Variants in ZNF341 observed in about 807,000 individuals in gnomAD.
ZNF341 encodes zinc finger protein 341.
In ZNF341, 52 loss-of-function variants were observed where a neutral mutation model predicts 87.7. The observed-to-expected ratio is 0.59, with a 90% CI of 0.47 to 0.75. The LOEUF (loss-of-function observed/expected upper bound fraction) is 0.75. Ranked by LOEUF, ZNF341 falls within the 30% of genes least tolerant of loss-of-function variation. ZNF341 has a pLI of 0.00. For synonymous variants in ZNF341, 459 were observed against 472.7 expected, an observed-to-expected ratio of 0.97 and a Z score of 0.38; for missense variants, 977 against 1,145.9, an observed-to-expected ratio of 0.85 and a Z score of 2.13.
At chr20:33,763,128 T>G (rs2019330772) in intron 8 of ZNF341, among the ~76,000 whole-genome samples, 1 of 152,212 alleles carries the variant, frequency 6.6e-6, no homozygotes, top group Non-Finnish European at 1.5e-5. Flanking sequence ...TTGTTGCCAT[T>G]GTAAAATCAT....
chr20:33,747,572 G>A lies in ZNF341; in HGVS notation c.340-1351G>A, dbSNP rs1278718141. 6.2e-5 allele frequency among the ~76,000 whole-genome samples: 7 copies of A among 113,582 alleles called. No homozygotes were observed. The East Asian group carries it at 1.6e-3, about 26-fold the overall frequency. The allele number at this position is 113,582 out of a possible 152,430, so 74.5% of individuals were successfully genotyped here. A position where few individuals can be genotyped will look rare whatever the true frequency, so the allele number is the denominator to read the frequency against. ...GGAGCTTGCAGTGAGCCGAGGTCCC[G>A]CCACTGCACTCCAGCCTGGGCGACA... On this transcript the variant is annotated intron_variant, in intron 3 of 14. Coordinates refer to ENST00000375200, the MANE Select transcript of ZNF341 (RefSeq NM_001282933.2).
Position 33,789,501 on chromosome 20 carries a change from G to C in ZNF341, c.1965-17G>C, listed in dbSNP as rs2019951231. On this transcript the variant is annotated splice_polypyrimidine_tract_variant and intron_variant, in intron 13 of 14. Transcript: ENST00000375200. Reference sequence around the variant, plus strand: ...AAGCTTGGTGAGCTCCCCCTGACCAGTGGCTTTGGGTTTTAGGACGCACAC... The same window carrying C: ...AAGCTTGGTGAGCTCCCCCTGACCACTGGCTTTGGGTTTTAGGACGCACAC... The C allele has an allele frequency of 1.5e-5, 24 of 1,613,866 alleles. No homozygotes were observed. The highest frequency in any genetic ancestry group is 1.9e-5 in the Non-Finnish European group (23 of 1,179,954).
In ZNF341 at chr20:33,757,160, T is replaced by C. The variant is rs904424564; in HGVS notation, c.754T>C (p.Cys252Arg). The C allele has an allele frequency of 2.1e-6, 3 of 1,447,988 alleles. No homozygotes were observed. The South Asian group carries it at 4.5e-5, about 22-fold the overall frequency. 89.7% of individuals were successfully genotyped at this position (1,447,988 alleles called of 1,614,324 possible). Residue 252 changes from cysteine (C) to arginine (R), a missense_variant, in exon 6 of 15, where the codon TGT (cysteine) becomes CGT (arginine). Cys to Arg is a radical substitution (Grantham distance 180). Around this residue, in one of 3 missense-constraint regions of ZNF341, gnomAD observed 515 missense variants for 598.2 expected, o/e 0.86. Coordinates refer to ENST00000375200, the MANE Select transcript of ZNF341 (RefSeq NM_001282933.2). ...PYPPLEVPNQ[C>R]VEPPVYPTPT... ...GTTGTCCTCCTAGGTGCCAAACCAG[T>C]GTGTGGAGCCTCCAGTATATCCCAC...
chr20:33,774,599 G>T (rs898918153), intron 10 of ZNF341, among the ~76,000 whole-genome samples: 1 of 152,160 alleles, frequency 6.6e-6, no homozygotes, highest in South Asian at 2.1e-4. Context: ...TTCCTGTAGC[G>T]CAATGTCCAA....
Position 33,767,048 on chromosome 20 carries a change from G to T in ZNF341, c.1413+7G>T. ...CCAGCATAAGAATGAGCAGGTAGGT[G>T]GATGGTGGCAGCAGGGGCCCACACC... On this transcript the variant is annotated splice_region_variant and intron_variant, in intron 9 of 14. Coordinates refer to ENST00000375200, the MANE Select transcript of ZNF341 (RefSeq NM_001282933.2). 6.2e-7 allele frequency: 1 copy of T among 1,608,686 alleles called. No homozygotes were observed. Among genetic ancestry groups the T allele is most frequent in the Non-Finnish European group, 8.5e-7 (1 of 1,176,920 alleles).
At chr20:33,755,213 G>A (rs1232303124) in intron 5 of ZNF341, among the ~76,000 whole-genome samples, 1 of 152,206 alleles carries the variant, frequency 6.6e-6, no homozygotes, top group Non-Finnish European at 1.5e-5. Context: ...CCAAAGTGCT[G>A]GGATTACAGG....
intron 10 of ZNF341, among the ~76,000 whole-genome samples, chr20:33,772,507 C>T (rs184559691): frequency 3.9e-4 from 59 of 152,260 alleles, no homozygotes; most frequent in African/African-American, 1.3e-3. Context: ...TAAACAAATG[C>T]ACCCTATCAC....
chr20:33,745,215 A>G lies in ZNF341; in HGVS notation c.255A>G (p.Thr85=), dbSNP rs1453318859. Reference sequence around the variant, plus strand: ...AGGGGAATGCCCCCGCCCTGGCCACAGTCTCACTGGCCACCAACAGCATCT... The same window carrying G: ...AGGGGAATGCCCCCGCCCTGGCCACGGTCTCACTGGCCACCAACAGCATCT... ...QCQGNAPALA[T]VSLATNSIYP... Residue 85 remains threonine (T), a synonymous_variant, in exon 3 of 15, where the codon ACA becomes ACG. Transcript: ENST00000375200. 2 of 1,614,194 alleles carry G rather than the reference A, an allele frequency of 1.2e-6. No individual in the cohort carries two copies. The highest frequency in any genetic ancestry group is 3.3e-4 in the Middle Eastern group (2 of 6,062).
chr20:33,789,037 G>A, intron 13 of ZNF341, 63 bp downstream of exon 13: 1 of 1,354,668 alleles, frequency 7.4e-7, no homozygotes, highest in South Asian at 1.3e-5. Flanking sequence ...GGTGCTGCTG[G>A]GGAGGGTGGG....
chr20:33,737,216 T>G (rs1341302447), intron 1 of ZNF341, among the ~76,000 whole-genome samples: 1 of 152,224 alleles, frequency 6.6e-6, no homozygotes, highest in Non-Finnish European at 1.5e-5. Flanking sequence ...AAAAGTTACA[T>G]TCACACAGAG....
chr20:33,777,037 T>A (rs940752515), intron 10 of ZNF341, among the ~76,000 whole-genome samples: 1 of 151,226 alleles, frequency 6.6e-6, no homozygotes, highest in East Asian at 2.0e-4. Flanking sequence ...AGTTGGGCTC[T>A]GTGCGGTGGC....
intron 1 of ZNF341, among the ~76,000 whole-genome samples, chr20:33,733,320 C>T (rs1012244302): frequency 2.0e-5 from 3 of 151,678 alleles, no homozygotes; most frequent in African/African-American, 7.3e-5. Flanking sequence ...CCGGGGTTCA[C>T]GCCATTCTTC....
chr20:33,765,763 A>G (rs566728037), intron 8 of ZNF341, among the ~76,000 whole-genome samples: 1 of 152,356 alleles, frequency 6.6e-6, no homozygotes, highest in South Asian at 2.1e-4. Flanking sequence ...AAACATTTAT[A>G]GAGGCCTACT....
intron 2 of ZNF341, among the ~76,000 whole-genome samples, chr20:33,742,045 T>G (rs2018813970): frequency 6.6e-6 from 1 of 152,192 alleles, no homozygotes; most frequent in Non-Finnish European, 1.5e-5. Flanking sequence ...TTTGGGCATT[T>G]GGGGTGGGCA....
At chr20:33,768,372 C>T (rs536891168) in intron 9 of ZNF341, among the ~76,000 whole-genome samples, 16 of 151,792 alleles carry the variant, frequency 1.1e-4, no homozygotes, top group Non-Finnish European at 1.9e-4. Context: ...ATCCACCCAC[C>T]TCGGCCTCCC....
At chr20:33,758,625 G>A (rs2019229459) in intron 6 of ZNF341, 91 bp from the exon 7 acceptor site, 5 of 988,082 alleles carry the variant, frequency 5.1e-6, no homozygotes, top group Non-Finnish European at 6.2e-6. Flanking sequence ...GGTATGGATT[G>A]TCTGGCTCAG....
intron 5 of ZNF341, among the ~76,000 whole-genome samples, chr20:33,754,473 C>T (rs6141422): frequency 0.15 from 22,471 of 152,126 alleles, 2,485 homozygotes; most frequent in East Asian, 0.56. Context: ...GTAAAGAGAG[C>T]CCAGACCAGT....
Position 33,741,158 on chromosome 20 carries a change from A to G in ZNF341, c.142+146A>G, listed in dbSNP as rs1344082554. 19 of 728,286 alleles carry G rather than the reference A, an allele frequency of 2.6e-5. No individual in the cohort carries two copies. In the Middle Eastern group the frequency reaches 1.9e-3, roughly 71 times the overall value. 45.1% of individuals were successfully genotyped at this position (728,286 alleles called of 1,614,324 possible). On this transcript the variant is annotated intron_variant, in intron 2 of 14. Coordinates refer to ENST00000375200, the MANE Select transcript of ZNF341 (RefSeq NM_001282933.2). Reference sequence around the variant, plus strand: ...GTCTGAACCCTCTCCCCCGCCTCCCAGCCGGGATCTTTGGGCTCACGGCTT... The same window carrying G: ...GTCTGAACCCTCTCCCCCGCCTCCCGGCCGGGATCTTTGGGCTCACGGCTT...
At chr20:33,788,800 C>A in intron 12 of ZNF341, 63 bp from the exon 13 acceptor site, 1 of 1,420,892 alleles carries the variant, frequency 7.0e-7, no homozygotes, top group Non-Finnish European at 9.9e-7. Context: ...CCAGCGGGGA[C>A]CCTTGTGCCC....
Sources: allele counts gnomAD v4.1 joint callset (sites outside exome capture counted in the v4.1 genomes callset), GRCh38; gene constraint gnomAD v4.1.1; regional missense constraint gnomAD v4.1.1; transcripts MANE v1.5; gene names NCBI Gene and HGNC (gene_info 2026-07-23, HGNC 2026-07-21).